AMBRA1: variants seen among roughly 807,000 people sequenced by gnomAD.
The protein encoded by AMBRA1 is autophagy and beclin 1 regulator 1.
In AMBRA1, 47 loss-of-function variants were observed where a neutral mutation model predicts 125.4. The observed-to-expected ratio is 0.37, with a 90% CI of 0.30 to 0.48. The LOEUF is 0.48. Ranked by LOEUF, AMBRA1 falls within the 20% of genes least tolerant of loss-of-function variation. AMBRA1 has a pLI of 0.99. For synonymous variants in AMBRA1, 626 were observed against 655.5 expected, an observed-to-expected ratio of 0.95 and a Z score of 0.69; for missense variants, 1,331 against 1,693.4, an observed-to-expected ratio of 0.79 and a Z score of 3.76.
At chr11:46,588,010 G>C (rs1049329122) in intron 1 of AMBRA1, among the ~76,000 whole-genome samples, 1 of 152,200 alleles carries the variant, frequency 6.6e-6, no homozygotes, top group African/African-American at 2.4e-5. Flanking sequence ...CCTAAGAGCA[G>C]AGGGAGAGAC....
rs552593017 is a variant in AMBRA1, at chr11:46,433,622, T to C, written c.2828A>G (p.Asn943Ser). 5.0e-6 allele frequency: 8 copies of C among 1,613,550 alleles called. No individual in the cohort carries two copies. In the African/African-American group the frequency reaches 5.3e-5, roughly 11 times the overall value. ...EMLYTKRFGP[N>S]AISVSLSPMG... ...TGGGGACAGGCTCACCGAAATGGCA[T>C]TGGGACCTGAGGGCCAACAAAACAG... The change falls in exon 14 of 18, where the codon AAT becomes AGT. Residue 943 changes from asparagine to serine, a missense_variant. Around this residue, in one of 4 missense-constraint regions of AMBRA1, gnomAD observed 354 missense variants for 532.7 expected, o/e 0.66. Coordinates refer to ENST00000683756, the MANE Select transcript of AMBRA1 (RefSeq NM_001387011.1).
intron 7 of AMBRA1, 106 bp downstream of exon 7, chr11:46,541,839 C>G: frequency 1.4e-6 from 2 of 1,436,616 alleles, no homozygotes; most frequent in Non-Finnish European, 1.9e-6. Context: ...GAAGCAGATG[C>G]GTGGGTCCCA....
chr11:46,401,428 ACAGTGTTTCATCATGCTGGC>A (rs978619610), intron 17 of AMBRA1, among the ~76,000 whole-genome samples: 1 of 152,128 alleles, frequency 6.6e-6, no homozygotes, highest in Admixed American at 6.6e-5. Flanking sequence ...TTTAGTAGAG[ACAGTGTTTCATCATGCTGGC>A]CAGGCTGGTA....
intron 12 of AMBRA1, among the ~76,000 whole-genome samples, chr11:46,439,306 A>T (rs1947884996): frequency 6.6e-6 from 1 of 152,120 alleles, no homozygotes; most frequent in Admixed American, 6.5e-5. Flanking sequence ...AAAACATAAA[A>T]CCTCAAAGAT....
chr11:46,400,473 G>GTTTTTTTTTTTTTTTTTTTTTT lies in AMBRA1; in HGVS notation c.3404-2552_3404-2531dup, dbSNP rs553040136. 2.5e-4 allele frequency among the ~76,000 whole-genome samples: 12 copies of GTTTTTTTTTTTTTTTTTTTTTT among 48,892 alleles called. 4 individuals carry two copies. The highest frequency in any genetic ancestry group is 5.8e-4 in the African/African-American group (9 of 15,490). 32.1% of individuals were successfully genotyped at this position (48,892 alleles called of 152,430 possible). ...CCTCATGCTTCTAGTTCTTTCTATAGTTTTTTTTTTTTTTTTTTTTTTTTT... is the reference window on the plus strand; with the variant it reads ...CCTCATGCTTCTAGTTCTTTCTATAGTTTTTTTTTTTTTTTTTTTTTTTTTTTTTTTTTTTTTTTTTTTTTTT... On this transcript the variant is annotated intron_variant, in intron 17 of 17. Coordinates refer to ENST00000683756, the MANE Select transcript of AMBRA1 (RefSeq NM_001387011.1).
At chr11:46,541,355 T>C (rs1048983090) in intron 7 of AMBRA1, among the ~76,000 whole-genome samples, 4 of 152,114 alleles carry the variant, frequency 2.6e-5, no homozygotes, top group Admixed American at 6.5e-5. Flanking sequence ...AACTGAGCAA[T>C]AGGCTGCCCA....
rs777319823 is a variant in AMBRA1, at chr11:46,397,445, T to C, written c.*5A>G. On this transcript the variant is annotated 3_prime_UTR_variant, in exon 18 of 18. Coordinates refer to ENST00000683756, the MANE Select transcript of AMBRA1 (RefSeq NM_001387011.1). ...CGAGGGGAGGCACCAGTGCAACGTT[T>C]GTCTCTACCTGTTCCGTGGTTCTCC... The C allele has an allele frequency of 6.7e-7, 1 of 1,488,220 alleles. No homozygotes were observed. The highest frequency in any genetic ancestry group is 1.4e-5 in the South Asian group (1 of 69,952). 92.2% of individuals were successfully genotyped at this position (1,488,220 alleles called of 1,614,324 possible). A position where few individuals can be genotyped will look rare whatever the true frequency, so the allele number is the denominator to read the frequency against.
intron 7 of AMBRA1, among the ~76,000 whole-genome samples, chr11:46,534,725 G>A (rs1249127142): frequency 6.6e-6 from 1 of 152,132 alleles, no homozygotes; most frequent in Non-Finnish European, 1.5e-5. Context: ...CCAGGCTGCA[G>A]TGCAGAGGCG....
At chr11:46,458,278 G>A (rs1398769958) in intron 11 of AMBRA1, among the ~76,000 whole-genome samples, 5 of 152,158 alleles carry the variant, frequency 3.3e-5, no homozygotes, top group Non-Finnish European at 5.9e-5. Flanking sequence ...CTAAAAGGAC[G>A]CACCTGGAAC....
chr11:46,461,709 G>A (rs898740135), intron 11 of AMBRA1, among the ~76,000 whole-genome samples: 1 of 152,240 alleles, frequency 6.6e-6, no homozygotes, highest in African/African-American at 2.4e-5. Context: ...ACCATGTAAA[G>A]CCTGAGCTAC....
intron 11 of AMBRA1, among the ~76,000 whole-genome samples, chr11:46,462,203 C>T (rs979780219): frequency 2.0e-5 from 3 of 152,140 alleles, no homozygotes; most frequent in Admixed American, 1.3e-4. Flanking sequence ...TAGGGATGCG[C>T]GTAAACAAGT....
At chr11:46,570,747 C>T (rs1416390744) in intron 1 of AMBRA1, among the ~76,000 whole-genome samples, 1 of 151,950 alleles carries the variant, frequency 6.6e-6, no homozygotes, top group Non-Finnish European at 1.5e-5. Flanking sequence ...TCTATATTAA[C>T]ACATGACAAC....
intron 11 of AMBRA1, among the ~76,000 whole-genome samples, chr11:46,464,691 C>T (rs1565186290): frequency 6.6e-6 from 1 of 152,148 alleles, no homozygotes; most frequent in Non-Finnish European, 1.5e-5. Flanking sequence ...TTGCAAACAA[C>T]TTGCCTTTGA....
chr11:46,467,072 A>G (rs1949361276), intron 11 of AMBRA1, among the ~76,000 whole-genome samples: 1 of 151,850 alleles, frequency 6.6e-6, no homozygotes, highest in Non-Finnish European at 1.5e-5. Context: ...GCACGCCACC[A>G]CACCTGGCTA....
intron 15 of AMBRA1, among the ~76,000 whole-genome samples, chr11:46,410,817 C>T (rs904033416): frequency 5.9e-5 from 9 of 152,178 alleles, no homozygotes; most frequent in Non-Finnish European, 2.9e-5. Flanking sequence ...AAGCAGAGGC[C>T]TTGGCCAGGC....
At chr11:46,493,900 C>T (rs2134977887) in intron 10 of AMBRA1, 192 bp from the exon 11 acceptor site, 1 of 636,858 alleles carries the variant, frequency 1.6e-6, no homozygotes, top group Non-Finnish European at 2.7e-6. Context: ...CTAAAGTTCC[C>T]CCAACACTTC....
intron 7 of AMBRA1, among the ~76,000 whole-genome samples, chr11:46,526,823 A>G (rs1326931380): frequency 6.6e-6 from 1 of 152,264 alleles, no homozygotes; most frequent in Non-Finnish European, 1.5e-5. Context: ...TGAACAAAGT[A>G]GTTCCTTATC....
At chr11:46,588,288 C>A (rs950806794) in intron 1 of AMBRA1, among the ~76,000 whole-genome samples, 4 of 152,014 alleles carry the variant, frequency 2.6e-5, no homozygotes, top group East Asian at 1.9e-4. Context: ...GCCAAGATAG[C>A]GCAGCTGCAC....
At chr11:46,469,823 C>A (rs952915116) in intron 11 of AMBRA1, among the ~76,000 whole-genome samples, 7 of 150,420 alleles carry the variant, frequency 4.7e-5, no homozygotes, top group African/African-American at 1.7e-4. Context: ...AACTACCATG[C>A]CCAGCTAACT....
Sources: allele counts gnomAD v4.1 joint callset (sites outside exome capture counted in the v4.1 genomes callset), GRCh38; gene constraint gnomAD v4.1.1; regional missense constraint gnomAD v4.1.1; transcripts MANE v1.5; gene names NCBI Gene and HGNC (gene_info 2026-07-23, HGNC 2026-07-21).